NPRL3: variants seen among roughly 807,000 people sequenced by gnomAD.
The protein encoded by NPRL3 is GATOR1 complex protein NPRL3.
Under a neutral mutation model 57.2 loss-of-function variants are expected in NPRL3, and 23 were observed. That is an observed-to-expected ratio of 0.40 (90% confidence interval 0.29 to 0.57). The LOEUF (loss-of-function observed/expected upper bound fraction) is 0.57, where lower values mean the gene tolerates loss of function less well. Among genes scored for constraint, NPRL3 ranks in the 20% least tolerant of loss-of-function variants. NPRL3 has a pLI of 0.42. For synonymous variants in NPRL3, 333 were observed against 321.1 expected, an observed-to-expected ratio of 1.04 and a Z score of -0.39; for missense variants, 691 against 767.1, an observed-to-expected ratio of 0.90 and a Z score of 1.17.
rs1472792315 is a variant in NPRL3, at chr16:85,571, T to A, written c.*1134A>T. On this transcript the variant is annotated 3_prime_UTR_variant, in exon 14 of 14. Transcript: ENST00000611875. ...CCAGGCCCTGGCCATCAACAAGAGC[T>A]TTGACCAGAGGGACCTGGCACAGGA... The A allele has an allele frequency of 1.2e-6, 2 of 1,613,210 alleles. No homozygotes were observed. Among genetic ancestry groups the A allele is most frequent in the African/African-American group, 2.7e-5 (2 of 74,946 alleles).
rs141534156 is a variant in NPRL3 at position 99,911 on chromosome 16, C to T, written c.767+461G>A. Among the ~76,000 whole-genome samples, 12 of 129,848 alleles carry T rather than the reference C, an allele frequency of 9.2e-5. No homozygotes were observed. In the South Asian group the frequency reaches 1.4e-3, roughly 16 times the overall value. The allele number at this position is 129,848 out of a possible 152,430, so 85.2% of individuals were successfully genotyped here. A position where few individuals can be genotyped will look rare whatever the true frequency, so the allele number is the denominator to read the frequency against. On this transcript the variant is annotated intron_variant, in intron 8 of 13. Coordinates refer to ENST00000611875, the MANE Select transcript of NPRL3 (RefSeq NM_001077350.3). Reference sequence around the variant, plus strand: ...TCGCACTACTGAAATCCAGCCTGGGCGATAAGATCAAAACTCTGTCTCTCT... The same window carrying T: ...TCGCACTACTGAAATCCAGCCTGGGTGATAAGATCAAAACTCTGTCTCTCT...
At chr16:93,052 G>C in intron 10 of NPRL3, 167 bp downstream of exon 10, 1 of 636,564 alleles carries the variant, frequency 1.6e-6, no homozygotes, top group Non-Finnish European at 2.8e-6. Flanking sequence ...CCAGAATTGG[G>C]ACCTGGGTAT....
rs1372967665 is a variant in NPRL3 at position 112,311 on chromosome 16, G to A, written c.547+311C>T. Among the ~76,000 whole-genome samples, 8 of 152,300 alleles carry A rather than the reference G, an allele frequency of 5.3e-5. No homozygotes were observed. The South Asian group carries it at 1.5e-3, about 28-fold the overall frequency. On this transcript the variant is annotated intron_variant, in intron 6 of 13. Transcript: ENST00000611875. ...ATGTGCCCCTTGGGAGTCTTCCTGTGCCCCCCAGGCACAATCAGCCCCGTG... is the reference window on the plus strand; with the variant it reads ...ATGTGCCCCTTGGGAGTCTTCCTGTACCCCCCAGGCACAATCAGCCCCGTG...
chr16:89,255 C>G, intron 12 of NPRL3: 1 of 291,336 alleles, frequency 3.4e-6, no homozygotes, highest in East Asian at 6.8e-5. Context: ...ACAGCCAGAC[C>G]TCAGCCAAGG....
intron 3 of NPRL3, 56 bp from the exon 4 acceptor site, chr16:119,311 T>A (rs1387112535): frequency 6.5e-7 from 1 of 1,529,248 alleles, no homozygotes; most frequent in Non-Finnish European, 8.9e-7. Flanking sequence ...CACAGCACCA[T>A]GCCCTGCTGG....
chr16:97,432 T>C (rs7195015), intron 9 of NPRL3, among the ~76,000 whole-genome samples: 3 of 118,502 alleles, frequency 2.5e-5, no homozygotes, highest in Admixed American at 1.7e-4. Flanking sequence ...TTTTTTTTTG[T>C]ATTTTTTGTA....
chr16:120,852 C>G (rs955936758), intron 3 of NPRL3, among the ~76,000 whole-genome samples: 1 of 152,176 alleles, frequency 6.6e-6, no homozygotes, highest in Non-Finnish European at 1.5e-5. Flanking sequence ...TTCTATAACT[C>G]CCATCTGTGG....
chr16:90,157 CA>C, intron 11 of NPRL3: 1 of 466,220 alleles, frequency 2.1e-6, no homozygotes, highest in South Asian at 2.9e-5. Context: ...ACACCGGGGC[CA>C]CCCAGCATCT....
At chr16:111,126 G>C (rs1029046932) in intron 6 of NPRL3, among the ~76,000 whole-genome samples, 1 of 152,080 alleles carries the variant, frequency 6.6e-6, no homozygotes, top group Admixed American at 6.5e-5. Flanking sequence ...GTAACCGGGC[G>C]CGGTGGCTCA....
At chr16:92,488 A>T (rs1055789954) in intron 11 of NPRL3, 108 bp downstream of exon 11, 1 of 1,368,956 alleles carries the variant, frequency 7.3e-7, no homozygotes, top group East Asian at 2.6e-5. Context: ...ACCAAGGAGA[A>T]GCAGGTGGCA....
At chr16:96,658 A>AC (rs1899019774) in intron 9 of NPRL3, among the ~76,000 whole-genome samples, 1 of 151,176 alleles carries the variant, frequency 6.6e-6, no homozygotes, top group Non-Finnish European at 1.5e-5. Context: ...CAAAAAAAAA[A>AC]AAAAAAAAAA....
At chr16:107,594 CAAAA>C (rs11309723) in intron 7 of NPRL3, among the ~76,000 whole-genome samples, 15 of 130,666 alleles carry the variant, frequency 1.1e-4, no homozygotes, top group Admixed American at 1.5e-4. Context: ...TATTCCATCT[CAAAA>C]AAAAAAAAAA....
intron 7 of NPRL3, 31 bp from the exon 8 acceptor site, chr16:100,540 C>T (rs1899237358): frequency 2.7e-6 from 4 of 1,497,282 alleles, no homozygotes; most frequent in Non-Finnish European, 3.6e-6. Flanking sequence ...TACCCGTTCA[C>T]ATAAACTTTC....
At chr16:130,070 C>T (rs571970054) in intron 3 of NPRL3, among the ~76,000 whole-genome samples, 1 of 152,278 alleles carries the variant, frequency 6.6e-6, no homozygotes, top group South Asian at 2.1e-4. Context: ...TTCACACCAT[C>T]CCAGCTCTAA....
intron 2 of NPRL3, among the ~76,000 whole-genome samples, chr16:136,933 T>A (rs896407403): frequency 6.7e-6 from 1 of 149,368 alleles, no homozygotes; most frequent in African/African-American, 2.5e-5. Context: ...ACAGTCCGGG[T>A]GCGGTGGCTC....
intron 3 of NPRL3, among the ~76,000 whole-genome samples, chr16:128,684 T>A (rs573809112): frequency 6.6e-6 from 1 of 151,966 alleles, no homozygotes; most frequent in South Asian, 2.1e-4. Context: ...AGGAGAATGG[T>A]GTGAACCCGG....
At chr16:90,404 C>A in intron 11 of NPRL3, 1 of 155,016 alleles carries the variant, frequency 6.5e-6, no homozygotes, top group Non-Finnish European at 1.4e-5. Context: ...ACCTGAAAGT[C>A]CACCCTGAGC....
At chr16:102,042 T>C (rs1899321050) in intron 7 of NPRL3, among the ~76,000 whole-genome samples, 1 of 152,194 alleles carries the variant, frequency 6.6e-6, no homozygotes, top group African/African-American at 2.4e-5. Context: ...ATTTCCTGAA[T>C]GAAGCCAAGG....
At chr16:90,187 G>A in intron 11 of NPRL3, 1 of 424,952 alleles carries the variant, frequency 2.4e-6, no homozygotes, top group Non-Finnish European at 4.2e-6. Flanking sequence ...AGCAGGACCT[G>A]AGACGTGGAG....
Sources: allele counts gnomAD v4.1 joint callset (sites outside exome capture counted in the v4.1 genomes callset), GRCh38; gene constraint gnomAD v4.1.1; transcripts MANE v1.5; gene names NCBI Gene and HGNC (gene_info 2026-07-23, HGNC 2026-07-21).